Variants in ESRRB observed in about 807,000 individuals in gnomAD.
ESRRB encodes the protein estrogen related receptor beta, also known as steroid hormone receptor ERR2.
ESRRB carries 16 observed loss-of-function variants against 46.0 expected under a neutral mutation model. The ratio of observed to expected loss-of-function variants is 0.35; its 90% CI spans 0.24 to 0.53. ESRRB has a LOEUF of 0.53. ESRRB is among the 20% of genes least tolerant of loss of function. The pLI, the probability that ESRRB is intolerant of heterozygous loss-of-function variation, is 0.93. For synonymous variants in ESRRB, 246 were observed against 259.6 expected (o/e 0.95, Z 0.50); for missense variants, 488 against 607.4 (o/e 0.80, Z 2.07).
At chr14:76,377,205 C>T (rs1884808009) in intron 1 of ESRRB, among the ~76,000 whole-genome samples, 1 of 152,222 alleles carries the variant, frequency 6.6e-6, no homozygotes, top group Non-Finnish European at 1.5e-5. Context: ...CGGCAGCCGG[C>T]GCCGCGAGAA....
chr14:76,340,184 C>T (rs1884175503), intron 1 of ESRRB, among the ~76,000 whole-genome samples: 1 of 152,152 alleles, frequency 6.6e-6, no homozygotes, highest in Admixed American at 6.5e-5. Flanking sequence ...CCTAGACAAC[C>T]TGGAGGGAAT....
chr14:76,429,849 A>ATGTGTGTG (rs58340334), intron 1 of ESRRB, among the ~76,000 whole-genome samples: 1 of 150,186 alleles, frequency 6.7e-6, no homozygotes, highest in Non-Finnish European at 1.5e-5. Context: ...TTTAAGTTTT[A>ATGTGTGTG]TGTGTGTGTG....
chr14:76,393,656 G>A (rs924584364), intron 1 of ESRRB, among the ~76,000 whole-genome samples: 1 of 152,154 alleles, frequency 6.6e-6, no homozygotes, highest in East Asian at 1.9e-4. Context: ...GCCGGCAACT[G>A]CAAGTGTTTC....
rs966821055 is a variant in ESRRB, at chr14:76,376,257, C to A, written c.-145C>A. 1.0e-5 allele frequency: 5 copies of A among 482,064 alleles called. No homozygotes were observed. The highest frequency in any genetic ancestry group is 8.0e-5 in the African/African-American group (4 of 50,158). The allele number at this position is 482,064 out of a possible 1,614,324, so 29.9% of individuals were successfully genotyped here. The stretch of plus-strand genomic sequence containing the variant: ...CACGGCTCTCTGCCTCCCTCTCCCC[C>A]GCCGCGGCCGCCTCCTCCCACTCTG... On this transcript the variant is annotated 5_prime_UTR_variant, in exon 1 of 7. Coordinates refer to ENST00000644823, the MANE Select transcript of ESRRB (RefSeq NM_001379180.1). This position sits in a 1 kb window ranked among gnomAD's most constrained non-coding sequence, Gnocchi z 4.1.
intron 1 of ESRRB, among the ~76,000 whole-genome samples, chr14:76,414,050 G>A (rs1396475426): frequency 4.6e-5 from 1 of 21,704 alleles, no homozygotes; most frequent in Non-Finnish European, 7.7e-5. Context: ...CCCTGCCCCT[G>A]CACGGTCCCC....
intron 1 of ESRRB, among the ~76,000 whole-genome samples, chr14:76,356,785 C>T (rs1037412296): frequency 2.6e-5 from 4 of 152,208 alleles, no homozygotes; most frequent in Non-Finnish European, 4.4e-5. Context: ...GCCCCATCAG[C>T]GCATGGTCCT....
rs376705358 is a variant in ESRRB, at chr14:76,498,496, A to G, written c.*38A>G. The G allele has an allele frequency of 2.5e-6, 4 of 1,612,634 alleles. No homozygotes were observed. The highest frequency in any genetic ancestry group is 3.4e-6 in the Non-Finnish European group (4 of 1,179,972). On this transcript the variant is annotated 3_prime_UTR_variant, in exon 7 of 7. Transcript: ENST00000644823. ...CGGACCAATGCCCACCTACAGACAG[A>G]CAAACGGACAGACCGAGGTGGAGAC...
At chr14:76,476,111 CTGT>C (rs1889574462) in intron 3 of ESRRB, among the ~76,000 whole-genome samples, 6 of 151,454 alleles carry the variant, frequency 4.0e-5, no homozygotes, top group Non-Finnish European at 5.9e-5. Flanking sequence ...GAGTCTCACT[CTGT>C]TGCCCAGGCT....
chr14:76,458,461 CACACACACAAACACACACACAT>C (rs1485943529), intron 2 of ESRRB, among the ~76,000 whole-genome samples: 20 of 76,528 alleles, frequency 2.6e-4, no homozygotes, highest in African/African-American at 1.4e-3. Flanking sequence ...CACACACACA[CACACACACAAACACACACACAT>C]GCATGCAGGC....
chr14:76,386,599 G>T (rs1364892991), intron 1 of ESRRB, among the ~76,000 whole-genome samples: 1 of 151,506 alleles, frequency 6.6e-6, no homozygotes, highest in African/African-American at 2.4e-5. Flanking sequence ...TGGGACTACA[G>T]GTGTGTGCCA....
chr14:76,381,678 G>A (rs1193131552), intron 1 of ESRRB, among the ~76,000 whole-genome samples: 1 of 152,192 alleles, frequency 6.6e-6, no homozygotes, highest in African/African-American at 2.4e-5. Flanking sequence ...GCGGGCAGTA[G>A]CTTGTATTCA....
chr14:76,450,858 C>T (rs1888356320), intron 2 of ESRRB, among the ~76,000 whole-genome samples: 1 of 152,102 alleles, frequency 6.6e-6, no homozygotes, highest in Non-Finnish European at 1.5e-5. Flanking sequence ...CAAGCAAGGA[C>T]TGAGTTCCTC....
chr14:76,497,574 C>G (rs1344479285), intron 6 of ESRRB, among the ~76,000 whole-genome samples: 1 of 152,200 alleles, frequency 6.6e-6, no homozygotes, highest in South Asian at 2.1e-4. Flanking sequence ...CCTCCATCAC[C>G]GTGCCTCATG....
rs1362309981 is a variant in ESRRB, at chr14:76,463,445, G to GTTTTTTTTGTTTTTTTTTTTTT, written c.577+792_577+793insGTTTTTTTTTTTTTTTTTTTTT. On this transcript the variant is annotated intron_variant, in intron 3 of 6. Coordinates refer to ENST00000644823, the MANE Select transcript of ESRRB (RefSeq NM_001379180.1). ...TGAAATTAGCATCACATGCTTCTTT[G>GTTTTTTTTGTTTTTTTTTTTTT]TTTTTTTTTTTTTTTTTTGGAGACG... 3.3e-4 allele frequency: 38 copies of GTTTTTTTTGTTTTTTTTTTTTT among 114,734 alleles called. 3 individuals are homozygous for GTTTTTTTTGTTTTTTTTTTTTT. The highest frequency in any genetic ancestry group is 4.0e-4 in the Non-Finnish European group (23 of 56,942). The allele number at this position is 114,734 out of a possible 1,614,324, so 7.1% of individuals were successfully genotyped here.
At chr14:76,484,431 G>C (rs1889925657) in intron 5 of ESRRB, among the ~76,000 whole-genome samples, 1 of 152,226 alleles carries the variant, frequency 6.6e-6, no homozygotes, top group Non-Finnish European at 1.5e-5. Context: ...TGTGGGGTCA[G>C]GCCACTGCTT....
rs141424735 is a variant in ESRRB at position 76,315,996 on chromosome 14, C to T, written c.2+5080C>T. 1.6e-4 allele frequency among the ~76,000 whole-genome samples: 25 copies of T among 152,296 alleles called. No individual in the cohort carries two copies. The East Asian group carries it at 3.5e-3, about 21-fold the overall frequency. On this transcript the variant is annotated intron_variant, in intron 1 of 6. Coordinates refer to the ESRRB transcript ENST00000512784. The stretch of plus-strand genomic sequence containing the variant: ...GTGAGCACTTTTGTTCTTGGGTCTC[C>T]AAGTCACTGCTGCACCCCCTCCACC...
intron 1 of ESRRB, among the ~76,000 whole-genome samples, chr14:76,416,737 G>A (rs1382795926): frequency 1.3e-5 from 2 of 152,248 alleles, no homozygotes; most frequent in Non-Finnish European, 2.9e-5. Context: ...CCAAAGTGCT[G>A]GGATTTCAGG....
At chr14:76,383,535 C>G (rs1316860269) in intron 1 of ESRRB, among the ~76,000 whole-genome samples, 3 of 152,142 alleles carry the variant, frequency 2.0e-5, no homozygotes, top group Non-Finnish European at 4.4e-5. Context: ...TGAGATTTCT[C>G]TCGTGTTTTA....
intron 3 of ESRRB, among the ~76,000 whole-genome samples, 162 bp from the exon 4 acceptor site, chr14:76,481,854 A>G (rs1889816721): frequency 6.6e-6 from 1 of 152,154 alleles, no homozygotes; most frequent in African/African-American, 2.4e-5. Flanking sequence ...TTATTTTAGG[A>G]TTGTCCAGCC....
Sources: gnomAD v4.1 joint callset for allele counts (sites outside exome capture counted in the v4.1 genomes callset) on GRCh38, gnomAD v4.1.1 for gene constraint, Gnocchi (gnomAD v3.1) non-coding constraint, MANE v1.5 for transcripts, NCBI Gene and HGNC (gene_info 2026-07-23, HGNC 2026-07-21) for gene names.